TMEM132C: variants seen among roughly 807,000 people sequenced by gnomAD.
TMEM132C encodes the protein protein phosphatase 1, regulatory subunit 152.
TMEM132C carries 29 observed loss-of-function variants against 61.4 expected under a neutral mutation model. The observed-to-expected ratio is 0.47, with a 90% CI of 0.35 to 0.64. The LOEUF is 0.64. Ranked by LOEUF, TMEM132C falls within the 30% of genes least tolerant of loss-of-function variation. The probability of loss-of-function intolerance (pLI) is 0.00; values close to 1 mark genes in which losing one functional copy is unlikely to be tolerated. For synonymous variants in TMEM132C, 656 were observed against 633.1 expected (o/e 1.04, Z -0.54); for missense variants, 1,408 against 1,476.9 (o/e 0.95, Z 0.76).
chr12:128,705,138 C>T lies in TMEM132C; in HGVS notation c.2170C>T (p.Pro724Ser), dbSNP rs2135663568. 6.4e-7 allele frequency: 1 copy of T among 1,551,026 alleles called. No homozygotes were observed. The stretch of plus-strand genomic sequence containing the variant: ...GCAGTTCAGTGATGGCTCTGTGACG[C>T]CCCTGGACATCTACGACACCAAGGA... ...WLQFSDGSVT[P>S]LDIYDTKDFS... Residue 724 changes from proline (P) to serine (S), a missense_variant, in exon 9 of 9, where the codon CCC (proline) becomes TCC (serine). Pro to Ser is a moderately conservative substitution (Grantham distance 74). Transcript: ENST00000435159.
intron 4 of TMEM132C, among the ~76,000 whole-genome samples, chr12:128,622,376 T>A (rs1224744495): frequency 0.014 from 1,041 of 72,450 alleles, 98 homozygotes; most frequent in African/African-American, 0.08. Flanking sequence ...TATATATATA[T>A]ATATATATAT....
At position 128,364,697 on chromosome 12, in the gene TMEM132C, G is replaced by T. The variant is rs538508244; in HGVS notation, c.86-50035G>T. On this transcript the variant is annotated intron_variant, in intron 1 of 8. Coordinates refer to ENST00000435159, the MANE Select transcript of TMEM132C (RefSeq NM_001136103.3). ...GGTCACCTTCTGCCTGCACCGAGGG[G>T]GTCTGCGGGACCTTCAGTGAGTTCC... 1.0e-3 allele frequency among the ~76,000 whole-genome samples: 153 copies of T among 152,328 alleles called. 1 individual carries two copies. Among genetic ancestry groups the T allele is most frequent in the African/African-American group, 3.5e-3 (146 of 41,574 alleles).
intron 3 of TMEM132C, among the ~76,000 whole-genome samples, chr12:128,588,091 T>A (rs1045970835): frequency 1.3e-5 from 2 of 152,140 alleles, no homozygotes; most frequent in African/African-American, 2.4e-5. Context: ...GATGAGGAAA[T>A]GATTCAAATT....
chr12:128,522,582 G>A (rs1458183), intron 2 of TMEM132C, among the ~76,000 whole-genome samples: 150,297 of 152,330 alleles, frequency 0.99, 74,175 homozygotes, highest in Middle Eastern at 1. Context: ...CCACATTTAC[G>A]TGGCGATATC....
At chr12:128,645,571 C>T (rs1325563621) in intron 4 of TMEM132C, among the ~76,000 whole-genome samples, 1 of 152,346 alleles carries the variant, frequency 6.6e-6, no homozygotes, top group East Asian at 1.9e-4. Flanking sequence ...CCAAGAAAAC[C>T]AGCCTCCAAA....
At chr12:128,403,714 A>G (rs1518372) in intron 1 of TMEM132C, among the ~76,000 whole-genome samples, 105,575 of 151,550 alleles carry the variant, frequency 0.7, 38,041 homozygotes, top group East Asian at 0.92. Context: ...AGACAAAAAC[A>G]AAACAAAACA....
chr12:128,703,507 C>T (rs757825524), intron 8 of TMEM132C, among the ~76,000 whole-genome samples: 9 of 152,172 alleles, frequency 5.9e-5, no homozygotes, highest in Admixed American at 1.3e-4. Flanking sequence ...TAGTATTCCA[C>T]GGTGTGTGTG....
intron 3 of TMEM132C, among the ~76,000 whole-genome samples, chr12:128,572,823 A>T (rs1874941463): frequency 1.3e-5 from 2 of 152,276 alleles, no homozygotes; most frequent in Non-Finnish European, 2.9e-5. Context: ...TCTTGAAGCC[A>T]GTGACTTGGT....
Position 128,705,215 on chromosome 12 carries a change from G to A in TMEM132C, c.2247G>A (p.Gln749=). ...ACGAGGCTGTCGTGTCAGTCCCCCA[G>A]CCCCGCTCTCCCAGGTGGCCCGTTG... is the stretch of plus-strand genomic sequence containing the variant. ...SQDEAVVSVP[Q]PRSPRWPVVV... The change falls in exon 9 of 9, where the codon CAG becomes CAA. Residue 749 remains glutamine (Q), a synonymous_variant. Transcript: ENST00000435159. 17 of 1,551,696 alleles carry A rather than the reference G, an allele frequency of 1.1e-5. No homozygotes were observed. Among genetic ancestry groups the A allele is most frequent in the Non-Finnish European group, 1.4e-5 (16 of 1,147,000 alleles).
At chr12:128,508,096 T>G (rs925784526) in intron 2 of TMEM132C, among the ~76,000 whole-genome samples, 1 of 152,118 alleles carries the variant, frequency 6.6e-6, no homozygotes, top group Non-Finnish European at 1.5e-5. Flanking sequence ...GATGAAGACA[T>G]ACCTGAGACT....
chr12:128,688,835 C>A (rs1368567820), intron 5 of TMEM132C, among the ~76,000 whole-genome samples: 1 of 152,146 alleles, frequency 6.6e-6, no homozygotes, highest in Non-Finnish European at 1.5e-5. Context: ...GTTTTCATTT[C>A]TTTGCTGGAG....
chr12:128,355,069 C>G (rs1471330331), intron 1 of TMEM132C, among the ~76,000 whole-genome samples: 1 of 152,130 alleles, frequency 6.6e-6, no homozygotes, highest in Non-Finnish European at 1.5e-5. Context: ...ATTCTAAATC[C>G]CTCCCCCTGC....
At chr12:128,439,399 TA>T (rs573554530) in intron 2 of TMEM132C, among the ~76,000 whole-genome samples, 43 of 152,236 alleles carry the variant, frequency 2.8e-4, no homozygotes, top group Admixed American at 2.3e-3. Flanking sequence ...GCTTTTGAAA[TA>T]ATGGCCAGAA....
intron 1 of TMEM132C, among the ~76,000 whole-genome samples, chr12:128,412,674 T>G (rs1306683561): frequency 6.6e-6 from 1 of 152,190 alleles, no homozygotes; most frequent in Non-Finnish European, 1.5e-5. Flanking sequence ...CCACCATGAT[T>G]GTGAGGCCTC....
At chr12:128,633,062 G>A (rs1954075743) in intron 4 of TMEM132C, among the ~76,000 whole-genome samples, 1 of 152,166 alleles carries the variant, frequency 6.6e-6, no homozygotes, top group African/African-American at 2.4e-5. Flanking sequence ...TGAGTTGCAG[G>A]TATGAGATTG....
At position 128,633,561 on chromosome 12, in the gene TMEM132C, G is replaced by A. The variant is rs184667021; in HGVS notation, c.1305+17226G>A. 4.1e-4 allele frequency among the ~76,000 whole-genome samples: 62 copies of A among 152,124 alleles called. 1 individual carries two copies. The highest frequency in any genetic ancestry group is 1.2e-3 in the Admixed American group (18 of 15,270). On this transcript the variant is annotated intron_variant, in intron 4 of 8. Transcript: ENST00000435159. ...ATGAGTATCAATAGATGCAACCTAC[G>A]CCAGTAAAAGCTTTTTACAGTTCTC...
chr12:128,627,192 T>C (rs1353257628), intron 4 of TMEM132C, among the ~76,000 whole-genome samples: 6 of 152,236 alleles, frequency 3.9e-5, no homozygotes, highest in Non-Finnish European at 5.9e-5. Flanking sequence ...CATTGCCTGA[T>C]CTGATTTTTG....
At chr12:128,539,822 T>C (rs1051916506) in intron 2 of TMEM132C, among the ~76,000 whole-genome samples, 5 of 152,196 alleles carry the variant, frequency 3.3e-5, no homozygotes, top group African/African-American at 1.2e-4. Context: ...ACATACGCCA[T>C]CTTCCAAAAT....
At chr12:128,346,713 C>T (rs185198508) in intron 1 of TMEM132C, among the ~76,000 whole-genome samples, 14 of 152,144 alleles carry the variant, frequency 9.2e-5, no homozygotes, top group East Asian at 7.7e-4. Context: ...CTGTCGATGG[C>T]GTATAGGGAT....
Sources: allele counts gnomAD v4.1 joint callset (sites outside exome capture counted in the v4.1 genomes callset), GRCh38; gene constraint gnomAD v4.1.1; transcripts MANE v1.5; gene names NCBI Gene and HGNC (gene_info 2026-07-23, HGNC 2026-07-21).